The following UTP4 variants were observed in gnomAD, a reference collection of about 807,000 sequenced individuals.
The protein encoded by UTP4 is UTP4 small subunit processome component.
UTP4 carries 45 observed loss-of-function variants against 82.4 expected under a neutral mutation model. That is an observed-to-expected ratio of 0.55 (90% CI 0.43 to 0.70). UTP4 has a LOEUF of 0.70. Ranked by LOEUF, UTP4 falls within the 30% of genes least tolerant of loss-of-function variation. The pLI, the probability that UTP4 is intolerant of heterozygous loss-of-function variation, is 0.00. For synonymous variants in UTP4, 348 were observed against 300.3 expected, an observed-to-expected ratio of 1.16 and a Z score of -1.64; for missense variants, 819 against 858.3, an observed-to-expected ratio of 0.95 and a Z score of 0.57.
At chr16:69,164,588 A>T (rs931470141) in intron 14 of UTP4, among the ~76,000 whole-genome samples, 1 of 55,638 alleles carries the variant, frequency 1.8e-5, no homozygotes, top group Non-Finnish European at 3.8e-5. Context: ...ATCATTCTTT[A>T]TATATATATA....
intron 4 of UTP4, among the ~76,000 whole-genome samples, chr16:69,138,790 C>G (rs1349865649): frequency 4.6e-5 from 7 of 152,116 alleles, no homozygotes; most frequent in Non-Finnish European, 1.5e-5. Flanking sequence ...GCAGGCTGTG[C>G]TCCAGTAAAA....
At chr16:69,166,660 G>C in intron 15 of UTP4, 1 of 190,360 alleles carries the variant, frequency 5.3e-6, no homozygotes, top group South Asian at 1.1e-4. Context: ...GGTTGGGGGA[G>C]AGTCTAGAAA....
chr16:69,154,322 CTT>C, intron 9 of UTP4, 69 bp from the exon 10 acceptor site: 1 of 1,278,604 alleles, frequency 7.8e-7, no homozygotes, highest in South Asian at 1.2e-5. Context: ...CAAGGAGTAA[CTT>C]TTTAGAAGAA....
intron 9 of UTP4, 25 bp downstream of exon 9, chr16:69,153,705 A>G (rs1963337361): frequency 6.6e-7 from 1 of 1,506,206 alleles, no homozygotes; most frequent in Non-Finnish European, 9.2e-7. Flanking sequence ...CGTTTTTTTC[A>G]ATAAGAAAAC....
intron 5 of UTP4, 100 bp downstream of exon 5, chr16:69,140,014 A>G (rs1962916886): frequency 1.2e-6 from 1 of 826,562 alleles, no homozygotes; most frequent in Non-Finnish European, 2.1e-6. Flanking sequence ...CATGACCTTT[A>G]TGGCCTAACA....
At chr16:69,155,741 C>A in intron 10 of UTP4, 130 bp from the exon 11 acceptor site, 2 of 979,148 alleles carry the variant, frequency 2.0e-6, no homozygotes, top group East Asian at 2.4e-5. Flanking sequence ...GCAGACCACA[C>A]GAGGATCGAG....
chr16:69,135,363 G>T (rs1890310663), intron 2 of UTP4, among the ~76,000 whole-genome samples: 1 of 151,780 alleles, frequency 6.6e-6, no homozygotes, highest in Admixed American at 6.6e-5. Context: ...TTTCCTACTA[G>T]ATACGATTGC....
At chr16:69,139,935 AT>A (rs1962915678) in intron 5 of UTP4, 21 bp downstream of exon 5, 22 of 1,550,688 alleles carry the variant, frequency 1.4e-5, no homozygotes, top group Non-Finnish European at 2.0e-5. Context: ...TTTTCAGTTC[AT>A]TTGGGGTGTG....
chr16:69,166,588 A>G (rs16958676), intron 15 of UTP4: 3,518 of 159,804 alleles, frequency 0.022, 135 homozygotes, highest in African/African-American at 0.08. Context: ...ACATCAGCAC[A>G]GGTGGTTTGT....
At chr16:69,151,992 T>C (rs1274335188) in intron 8 of UTP4, among the ~76,000 whole-genome samples, 1 of 151,266 alleles carries the variant, frequency 6.6e-6, no homozygotes, top group African/African-American at 2.4e-5. Context: ...TCAGTATCTT[T>C]ATACATATGT....
intron 8 of UTP4, among the ~76,000 whole-genome samples, chr16:69,152,669 C>T (rs184008056): frequency 3.3e-5 from 5 of 152,118 alleles, no homozygotes; most frequent in Non-Finnish European, 7.4e-5. Flanking sequence ...GACAGGGTTT[C>T]ACCATGTTGG....
Position 69,167,282 on chromosome 16 carries a change from T to G in UTP4, c.1944+97T>G, listed in dbSNP as rs549656313. ...TCGGAAGATAAGAGCACCTTCAGTT[T>G]CCATGCAGAGAACCTGGCTTGTGGG... On this transcript the variant is annotated intron_variant, in intron 16 of 16. Transcript: ENST00000314423. The G allele has an allele frequency of 3.1e-5, 25 of 816,492 alleles. No homozygotes were observed. The Admixed American group carries it at 4.3e-4, about 14-fold the overall frequency. 50.6% of individuals were successfully genotyped at this position (816,492 alleles called of 1,614,324 possible). A position where few individuals can be genotyped will look rare whatever the true frequency, so the allele number is the denominator to read the frequency against.
Position 69,168,872 on chromosome 16 carries a change from C to T in UTP4, c.1996C>T (p.Arg666Trp), listed in dbSNP as rs1482637854. Residue 666 changes from arginine to tryptophan, a missense_variant, in exon 17 of 17, where the codon CGG becomes TGG. Arg to Trp is a moderately radical substitution (Grantham distance 101). Coordinates refer to ENST00000314423, the MANE Select transcript of UTP4 (RefSeq NM_032830.3). ...LDERTLVAVE[R>W]PLDDIIAQLP... ...TGAAAGAACACTCGTGGCAGTAGAACGGCCTCTGGATGACATCATTGCTCA... is the reference window on the plus strand; with the variant it reads ...TGAAAGAACACTCGTGGCAGTAGAATGGCCTCTGGATGACATCATTGCTCA... 16 of 1,614,030 alleles carry T rather than the reference C, an allele frequency of 9.9e-6. No individual in the cohort carries two copies. Among genetic ancestry groups the T allele is most frequent in the Admixed American group, 1.7e-5 (1 of 60,008 alleles).
At chr16:69,135,179 C>T (rs1188461377) in intron 2 of UTP4, among the ~76,000 whole-genome samples, 2 of 152,146 alleles carry the variant, frequency 1.3e-5, no homozygotes, top group Non-Finnish European at 2.9e-5. Flanking sequence ...CTCACATCTG[C>T]ATTCCCACCA....
intron 2 of UTP4, among the ~76,000 whole-genome samples, chr16:69,134,336 G>A (rs868606072): frequency 1.3e-5 from 2 of 151,990 alleles, no homozygotes; most frequent in Non-Finnish European, 2.9e-5. Context: ...AATGTTTCTC[G>A]GTGAATGAGT....
chr16:69,147,476 G>T (rs1033040097), intron 6 of UTP4, among the ~76,000 whole-genome samples: 1 of 152,138 alleles, frequency 6.6e-6, no homozygotes, highest in African/African-American at 2.4e-5. Flanking sequence ...CTGCACTCCA[G>T]CCTGGGTGAC....
chr16:69,139,369 T>C (rs1461525118), intron 4 of UTP4, among the ~76,000 whole-genome samples: 1 of 152,114 alleles, frequency 6.6e-6, no homozygotes, highest in Non-Finnish European at 1.5e-5. Context: ...CTGGGCACGA[T>C]GGCTTACACC....
chr16:69,143,353 C>G lies in UTP4; in HGVS notation c.702C>G (p.Ile234Met). 1 of 1,614,140 alleles carries G rather than the reference C, an allele frequency of 6.2e-7. No homozygotes were observed. The highest frequency in any genetic ancestry group is 8.5e-7 in the Non-Finnish European group (1 of 1,180,028). The change falls in exon 6 of 17, where the codon ATC becomes ATG. Residue 234 changes from isoleucine (I) to methionine (M), a missense_variant. Physicochemically the swap from Ile to Met is conservative, Grantham distance 10. Transcript: ENST00000314423. ...GGACGCTTGTGAAGAGCCATCTCAT[C>G]GCTAATGCTGACGTGCAGTCCATTG... Reference protein sequence around the residue: ...ATGTLVKSHLIANADVQSIAV... With the variant: ...ATGTLVKSHLMANADVQSIAV...
Position 69,151,918 on chromosome 16 carries a change from A to G in UTP4, c.1002+1014A>G, listed in dbSNP as rs1267257976. Among the ~76,000 whole-genome samples, 9 of 151,730 alleles carry G rather than the reference A, an allele frequency of 5.9e-5. No individual in the cohort carries two copies. In the South Asian group the frequency reaches 1.7e-3, roughly 28 times the overall value. On this transcript the variant is annotated intron_variant, in intron 8 of 16. Coordinates refer to ENST00000314423, the MANE Select transcript of UTP4 (RefSeq NM_032830.3). ...AAATGGTACCATCTTCCCAAGCTAG[A>G]AAACTTGCTCCCCACACCTGCTGCC...
Sources: gnomAD v4.1 joint callset for allele counts (sites outside exome capture counted in the v4.1 genomes callset) on GRCh38, gnomAD v4.1.1 for gene constraint, MANE v1.5 for transcripts, NCBI Gene and HGNC (gene_info 2026-07-23, HGNC 2026-07-21) for gene names.